The following LRRTM4 variants were observed in gnomAD, a reference collection of about 807,000 sequenced individuals.
The protein encoded by LRRTM4 is leucine-rich repeat transmembrane neuronal protein 4.
LRRTM4 carries 25 observed loss-of-function variants against 47.6 expected under a neutral mutation model. That is an observed-to-expected ratio of 0.53 (90% CI 0.38 to 0.73). LRRTM4 has a LOEUF of 0.73. LRRTM4 is among the 30% of genes least tolerant of loss of function. The probability of loss-of-function intolerance (pLI) is 0.00; values close to 1 mark genes in which losing one functional copy is unlikely to be tolerated. For missense variants in LRRTM4, 638 were observed against 713.4 expected (o/e 0.89, Z 1.20); for synonymous variants, 311 against 269.5 (o/e 1.15, Z -1.51).
chr2:77,114,986 G>T (rs772770223), intron 3 of LRRTM4, among the ~76,000 whole-genome samples: 3 of 152,120 alleles, frequency 2.0e-5, no homozygotes, highest in Non-Finnish European at 4.4e-5. Context: ...AATTTACCAG[G>T]CTGGAATTTC....
At chr2:77,346,892 A>G (rs1671582119) in intron 3 of LRRTM4, among the ~76,000 whole-genome samples, 1 of 152,106 alleles carries the variant, frequency 6.6e-6, no homozygotes, top group African/African-American at 2.4e-5. Flanking sequence ...ATATTTCTTT[A>G]ATATGCACTA....
chr2:77,182,316 C>G (rs1673370542), intron 3 of LRRTM4, among the ~76,000 whole-genome samples: 1 of 151,992 alleles, frequency 6.6e-6, no homozygotes, highest in Non-Finnish European at 1.5e-5. Context: ...CAAACTAAGA[C>G]AGGAACAGAA....
chr2:76,888,377 T>C (rs1673144948), intron 3 of LRRTM4, among the ~76,000 whole-genome samples: 1 of 151,524 alleles, frequency 6.6e-6, no homozygotes, highest in Non-Finnish European at 1.5e-5. Context: ...GAATACATAT[T>C]GTATTCTTTC....
chr2:77,009,369 C>A (rs1327254899), intron 3 of LRRTM4: 1 of 152,120 alleles, frequency 6.6e-6, no homozygotes, highest in Non-Finnish European at 1.5e-5. Context: ...AGAAGTTGAA[C>A]ACACATTTTC....
At chr2:77,205,699 C>T (rs75041998) in intron 3 of LRRTM4, among the ~76,000 whole-genome samples, 334 of 152,214 alleles carry the variant, frequency 2.2e-3, no homozygotes, top group African/African-American at 7.7e-3. Flanking sequence ...TGGAAATCCA[C>T]GAAGTTTTCG....
intron 3 of LRRTM4, among the ~76,000 whole-genome samples, chr2:77,286,587 A>G (rs2104114731): frequency 6.6e-6 from 1 of 151,664 alleles, no homozygotes. Flanking sequence ...AATTACCACC[A>G]ACAAAATATA....
chr2:77,200,127 G>T (rs545037060), intron 3 of LRRTM4, among the ~76,000 whole-genome samples: 4 of 151,910 alleles, frequency 2.6e-5, no homozygotes, highest in African/African-American at 9.6e-5. Flanking sequence ...CAACATACTT[G>T]GCCATGGAAC....
intron 3 of LRRTM4, among the ~76,000 whole-genome samples, chr2:77,508,459 C>A (rs1158484189): frequency 6.6e-6 from 1 of 152,166 alleles, no homozygotes; most frequent in African/African-American, 2.4e-5. Context: ...TATATATACT[C>A]AACCACTGGC....
At chr2:76,992,093 C>A (rs755544100) in intron 3 of LRRTM4, among the ~76,000 whole-genome samples, 24 of 151,654 alleles carry the variant, frequency 1.6e-4, no homozygotes, top group Admixed American at 3.3e-4. Context: ...CATCCCTGCA[C>A]GATAAAAATT....
intron 3 of LRRTM4, among the ~76,000 whole-genome samples, chr2:76,771,256 T>C (rs1673690225): frequency 6.6e-6 from 1 of 152,182 alleles, no homozygotes; most frequent in Non-Finnish European, 1.5e-5. Context: ...TTGGAATCGC[T>C]GTATCAGCTC....
chr2:77,443,060 C>T (rs960817659), intron 3 of LRRTM4, among the ~76,000 whole-genome samples: 1 of 151,906 alleles, frequency 6.6e-6, no homozygotes, highest in African/African-American at 2.4e-5. Flanking sequence ...GCCCAAGATC[C>T]CCGTGTCATG....
chr2:76,771,729 T>A (rs1373748539), intron 3 of LRRTM4, among the ~76,000 whole-genome samples: 1 of 151,848 alleles, frequency 6.6e-6, no homozygotes, highest in Non-Finnish European at 1.5e-5. Flanking sequence ...GAACCTAAAC[T>A]GCAGGCAGAA....
rs1231522421 is a variant in LRRTM4, at chr2:76,776,720, C to G, written c.1552-27804G>C. Among the ~76,000 whole-genome samples the G allele has an allele frequency of 9.7e-5, 14 of 144,700 alleles. No homozygotes were observed. The South Asian group carries it at 3.3e-3, about 34-fold the overall frequency. The allele number at this position is 144,700 out of a possible 152,430, so 94.9% of individuals were successfully genotyped here. On this transcript the variant is annotated intron_variant, in intron 3 of 3. Transcript: ENST00000409884. ...CCATTTTGTAGGTTGCCTGTTCACT[C>G]TGATGGTAGTTTCTTTTGCTGTGCA...
chr2:77,057,155 G>A (rs987814691), intron 3 of LRRTM4, among the ~76,000 whole-genome samples: 9 of 152,082 alleles, frequency 5.9e-5, no homozygotes, highest in Non-Finnish European at 1.3e-4. Flanking sequence ...GCTGATCCCT[G>A]ATTCAAAACA....
At chr2:77,013,689 TAAC>T (rs1234399071) in intron 3 of LRRTM4, among the ~76,000 whole-genome samples, 3 of 152,232 alleles carry the variant, frequency 2.0e-5, no homozygotes, top group African/African-American at 7.2e-5. Context: ...AAAACAGCGA[TAAC>T]AATCTCCCCA....
intron 3 of LRRTM4, among the ~76,000 whole-genome samples, chr2:77,344,499 C>T (rs1488271012): frequency 6.6e-6 from 1 of 151,604 alleles, no homozygotes; most frequent in East Asian, 1.9e-4. Flanking sequence ...TCAGTCAGAA[C>T]AATAACAACA....
At chr2:77,402,279 A>G (rs903804304) in intron 3 of LRRTM4, among the ~76,000 whole-genome samples, 4 of 152,048 alleles carry the variant, frequency 2.6e-5, no homozygotes, top group South Asian at 2.1e-4. Flanking sequence ...CTGAGGGGCT[A>G]GTAATACAGG....
At chr2:76,894,405 A>G (rs572941592) in intron 3 of LRRTM4, among the ~76,000 whole-genome samples, 2 of 152,168 alleles carry the variant, frequency 1.3e-5, no homozygotes, top group Admixed American at 1.3e-4. Context: ...GCTAAAAGGT[A>G]TTTTCTACTT....
intron 3 of LRRTM4, among the ~76,000 whole-genome samples, chr2:77,073,620 T>C (rs997487011): frequency 1.6e-4 from 25 of 152,156 alleles, no homozygotes; most frequent in African/African-American, 5.8e-4. Flanking sequence ...TATTGATTTC[T>C]GAATTTTCAT....
Sources: gnomAD v4.1 joint callset for allele counts (sites outside exome capture counted in the v4.1 genomes callset) on GRCh38, gnomAD v4.1.1 for gene constraint, MANE v1.5 for transcripts, NCBI Gene and HGNC (gene_info 2026-07-23, HGNC 2026-07-21) for gene names.